The following VIT variants were observed in gnomAD, a reference collection of about 807,000 sequenced individuals.
VIT encodes the protein vitrin.
VIT carries 99 observed loss-of-function variants against 78.0 expected under a neutral mutation model. The ratio of observed to expected loss-of-function variants is 1.27; its 90% confidence interval spans 1.08 to 1.50. The LOEUF (loss-of-function observed/expected upper bound fraction) is 1.50. VIT is among the 40% of genes most tolerant of loss of function. VIT has a pLI of 0.00. For synonymous variants in VIT, 374 were observed against 334.3 expected, an observed-to-expected ratio of 1.12 and a Z score of -1.29; for missense variants, 1,126 against 875.3, an observed-to-expected ratio of 1.29 and a Z score of -3.61.
chr2:36,749,573 C>T (rs776220531), intron 4 of VIT, among the ~76,000 whole-genome samples: 1 of 152,182 alleles, frequency 6.6e-6, no homozygotes, highest in Admixed American at 6.5e-5. Context: ...TTCTACTACT[C>T]TTATGCACAT....
chr2:36,756,711 T>C (rs1165621024), intron 5 of VIT, among the ~76,000 whole-genome samples: 1 of 152,178 alleles, frequency 6.6e-6, no homozygotes, highest in African/African-American at 2.4e-5. Flanking sequence ...TTTTGCCTTG[T>C]AACAAAAAAT....
At chr2:36,702,211 G>C (rs1346349415) in intron 1 of VIT, among the ~76,000 whole-genome samples, 2 of 152,132 alleles carry the variant, frequency 1.3e-5, no homozygotes, top group African/African-American at 2.4e-5. Context: ...CCATGCTTGG[G>C]AGGCCAGTGT....
At chr2:36,701,374 G>A (rs1260626860) in intron 1 of VIT, among the ~76,000 whole-genome samples, 1 of 152,180 alleles carries the variant, frequency 6.6e-6, no homozygotes, top group African/African-American at 2.4e-5. Context: ...TCACTGGAAG[G>A]TTAACTCAGC....
At chr2:36,764,137 T>C (rs113994595) in intron 6 of VIT, among the ~76,000 whole-genome samples, 63 of 152,370 alleles carry the variant, frequency 4.1e-4, no homozygotes, top group African/African-American at 1.5e-3. Context: ...ATTTTCAATA[T>C]ATAATAAGTT....
chr2:36,814,107 G>T, intron 15 of VIT, 76 bp from the exon 16 acceptor site: 1 of 1,543,720 alleles, frequency 6.5e-7, no homozygotes. Flanking sequence ...GTGCCAACAG[G>T]GCCACAAGAA....
At chr2:36,749,167 A>AT (rs1441493170) in intron 4 of VIT, among the ~76,000 whole-genome samples, 1 of 152,138 alleles carries the variant, frequency 6.6e-6, no homozygotes, top group Non-Finnish European at 1.5e-5. Flanking sequence ...ATATAAACTC[A>AT]TTTTTTCTAC....
At chr2:36,735,271 A>G (rs1014077370) in intron 3 of VIT, among the ~76,000 whole-genome samples, 2 of 152,144 alleles carry the variant, frequency 1.3e-5, no homozygotes, top group African/African-American at 4.8e-5. Context: ...TCACAGCTCT[A>G]CTCCACAAAC....
chr2:36,714,012 T>C (rs548597262), intron 1 of VIT, among the ~76,000 whole-genome samples: 14 of 152,310 alleles, frequency 9.2e-5, no homozygotes, highest in East Asian at 7.7e-4. Flanking sequence ...GCCAAACAGA[T>C]TGTAATGTGA....
chr2:36,795,756 T>G (rs1303497654), intron 12 of VIT, among the ~76,000 whole-genome samples: 1 of 152,160 alleles, frequency 6.6e-6, no homozygotes, highest in Non-Finnish European at 1.5e-5. Flanking sequence ...CAGTCTTTTT[T>G]TAGTGCCACG....
intron 14 of VIT, among the ~76,000 whole-genome samples, chr2:36,807,330 C>A (rs531385042): frequency 2.6e-5 from 4 of 152,218 alleles, no homozygotes; most frequent in South Asian, 4.1e-4. Context: ...TCTATTATGA[C>A]CCCCCACAGC....
intron 12 of VIT, among the ~76,000 whole-genome samples, chr2:36,795,123 G>A (rs1483318750): frequency 6.6e-6 from 1 of 152,184 alleles, no homozygotes; most frequent in Non-Finnish European, 1.5e-5. Context: ...AGGAGAAAGT[G>A]CCTGTTCTCA....
At chr2:36,768,106 C>A (rs1490782979) in intron 7 of VIT, among the ~76,000 whole-genome samples, 1 of 152,180 alleles carries the variant, frequency 6.6e-6, no homozygotes, top group Non-Finnish European at 1.5e-5. Flanking sequence ...TAGCAGAGGC[C>A]AGCTACCTAC....
intron 6 of VIT, among the ~76,000 whole-genome samples, chr2:36,762,212 G>T (rs1162418166): frequency 1.3e-5 from 2 of 152,226 alleles, no homozygotes; most frequent in Non-Finnish European, 2.9e-5. Context: ...TCCACAAGGA[G>T]TGTGGATAGC....
In VIT at chr2:36,809,824, C is replaced by T. The variant is rs146576283; in HGVS notation, c.1903+839C>T. On this transcript the variant is annotated intron_variant, in intron 15 of 15. Coordinates refer to ENST00000379242, the MANE Select transcript of VIT (RefSeq NM_053276.4). ...CTTCAGGGAAACCTGAAAGGAATTT[C>T]GATTCAAAATATTTAAAGAGACCAG... Among the ~76,000 whole-genome samples, 212 of 152,216 alleles carry T rather than the reference C, an allele frequency of 1.4e-3. 1 individual carries two copies. Among genetic ancestry groups the T allele is most frequent in the Non-Finnish European group, 2.4e-3 (163 of 68,020 alleles).
intron 15 of VIT, among the ~76,000 whole-genome samples, chr2:36,812,861 C>T (rs1262636427): frequency 6.3e-5 from 7 of 110,302 alleles, no homozygotes; most frequent in African/African-American, 2.0e-4. Context: ...TTTTCTTCTT[C>T]TTTTTTTTTT....
rs1664711668 is a variant in VIT, at chr2:36,696,811, T to C, written c.-181T>C. ...CTGAGAGGTTGATGGGACTGTTCGA[T>C]TAGCTCCTCTGAGAAGAAGAGAAAA... On this transcript the variant is annotated 5_prime_UTR_variant, in exon 1 of 16. Transcript: ENST00000379242. The C allele has an allele frequency of 6.6e-6, 1 of 152,086 alleles. No individual in the cohort carries two copies. The highest frequency in any genetic ancestry group is 6.6e-5 in the Admixed American group (1 of 15,248). The allele number at this position is 152,086 out of a possible 1,614,324, so 9.4% of individuals were successfully genotyped here.
chr2:36,717,966 T>G (rs1666269268), intron 2 of VIT, among the ~76,000 whole-genome samples: 1 of 152,210 alleles, frequency 6.6e-6, no homozygotes, highest in Non-Finnish European at 1.5e-5. Context: ...GCTGGCAATC[T>G]TTGGGTTTCT....
Position 36,808,929 on chromosome 2 carries a change from C to G in VIT, c.1847C>G (p.Thr616Ser), listed in dbSNP as rs773913672. 2 of 1,613,144 alleles carry G rather than the reference C, an allele frequency of 1.2e-6. No homozygotes were observed. Among genetic ancestry groups the G allele is most frequent in the Admixed American group, 3.3e-5 (2 of 59,968 alleles). ...PNKRKLMILI[T>S]DGRSYDDVRI... ...AAGAGGAAGTTAATGATCCTCATCA[C>G]CGACGGGAGGTCCTACGACGACGTC... Residue 616 changes from threonine to serine, a missense_variant, in exon 15 of 16, where the codon ACC becomes AGC. Thr to Ser is a moderately conservative substitution (Grantham distance 58). Transcript: ENST00000379242.
intron 2 of VIT, among the ~76,000 whole-genome samples, chr2:36,725,171 G>T (rs760255056): frequency 2.0e-5 from 3 of 152,070 alleles, no homozygotes; most frequent in Non-Finnish European, 2.9e-5. Context: ...CTAGGATATG[G>T]TACGTCAATT....
Sources: gnomAD v4.1 joint callset for allele counts (sites outside exome capture counted in the v4.1 genomes callset) on GRCh38, gnomAD v4.1.1 for gene constraint, MANE v1.5 for transcripts, NCBI Gene and HGNC (gene_info 2026-07-23, HGNC 2026-07-21) for gene names.